PACS1: variants seen among roughly 807,000 people sequenced by gnomAD.
The protein encoded by PACS1 is phosphofurin acidic cluster sorting protein 1.
Under a neutral mutation model 115.0 loss-of-function variants are expected in PACS1, and 24 were observed. The ratio of observed to expected loss-of-function variants is 0.21; its 90% CI spans 0.15 to 0.29. The LOEUF is 0.29. Among genes scored for constraint, PACS1 ranks in the 10% least tolerant of loss-of-function variants. The pLI is 1.00. For synonymous variants in PACS1, 453 were observed against 504.5 expected (o/e 0.90, Z 1.37); for missense variants, 838 against 1,251.2 (o/e 0.67, Z 4.98).
chr11:66,126,039 C>A (rs78889941), intron 1 of PACS1, among the ~76,000 whole-genome samples: 9 of 126,960 alleles, frequency 7.1e-5, no homozygotes, highest in African/African-American at 2.0e-4. Flanking sequence ...GACTCTGCCT[C>A]AAAAAAAAAA....
At chr11:66,222,668 C>G (rs4595549) in intron 10 of PACS1, among the ~76,000 whole-genome samples, 152,267 of 152,344 alleles carry the variant, frequency 1, 76,095 homozygotes, top group Middle Eastern at 1. Context: ...ATGAAGCCTA[C>G]TCATGGTTCA....
rs1346484171 is a variant in PACS1 at position 66,233,887 on chromosome 11, C to T, written c.1941C>T (p.Ala647=). 1 of 1,599,666 alleles carries T rather than the reference C, an allele frequency of 6.3e-7. No homozygotes were observed. Among genetic ancestry groups the T allele is most frequent in the South Asian group, 1.1e-5 (1 of 89,030 alleles). ...SILRFFVKSL[A]NKTSDWLGYM... Reference sequence around the variant, plus strand: ...TCAGGTTCTTTGTCAAGTCCCTGGCCAACAAGACCTCCGACTGGCTTGGCT... The same window carrying T: ...TCAGGTTCTTTGTCAAGTCCCTGGCTAACAAGACCTCCGACTGGCTTGGCT... The change falls in exon 16 of 24, where the codon GCC becomes GCT. Residue 647 remains alanine (A), a synonymous_variant. Transcript: ENST00000320580. This position sits in a 1 kb window ranked among gnomAD's most constrained non-coding sequence, Gnocchi z 4.5.
intron 2 of PACS1, among the ~76,000 whole-genome samples, chr11:66,196,753 A>G (rs573908331): frequency 2.2e-4 from 34 of 152,136 alleles, no homozygotes; most frequent in African/African-American, 8.0e-4. Context: ...ACCCACCACC[A>G]TGCCTGGCTA....
intron 1 of PACS1, among the ~76,000 whole-genome samples, chr11:66,160,759 C>T (rs1309120476): frequency 2.7e-5 from 4 of 149,980 alleles, no homozygotes; most frequent in Non-Finnish European, 1.5e-5. Flanking sequence ...TAGGCTCAAG[C>T]GATCCTCCTG....
chr11:66,178,698 G>C (rs764855115), intron 1 of PACS1, among the ~76,000 whole-genome samples: 2 of 151,962 alleles, frequency 1.3e-5, no homozygotes, highest in Non-Finnish European at 2.9e-5. Flanking sequence ...CAGAAGTGTG[G>C]CATTATTTTA....
chr11:66,215,879 G>A (rs1034714018), intron 4 of PACS1, among the ~76,000 whole-genome samples: 3 of 149,656 alleles, frequency 2.0e-5, no homozygotes, highest in South Asian at 2.1e-4. Flanking sequence ...CAGCCTGGGC[G>A]ACAGTGAGAG....
chr11:66,152,331 T>A (rs1859259493), intron 1 of PACS1, among the ~76,000 whole-genome samples: 1 of 152,088 alleles, frequency 6.6e-6, no homozygotes, highest in Non-Finnish European at 1.5e-5. Context: ...TCCCATCCAA[T>A]GAAGAGAGGA....
At chr11:66,214,622 T>TC (rs1175046919) in intron 4 of PACS1, among the ~76,000 whole-genome samples, 2 of 141,532 alleles carry the variant, frequency 1.4e-5, no homozygotes, top group African/African-American at 2.6e-5. Flanking sequence ...TTTCTTTTCT[T>TC]TTTTTTTTTT....
At chr11:66,083,695 C>T (rs1857523056) in intron 1 of PACS1, among the ~76,000 whole-genome samples, 1 of 152,066 alleles carries the variant, frequency 6.6e-6, no homozygotes, top group Non-Finnish European at 1.5e-5. Flanking sequence ...CTTAAGAGAA[C>T]AGCTATAGAA....
intron 1 of PACS1, among the ~76,000 whole-genome samples, chr11:66,137,541 C>CTTGTTATGTGCT (rs1858875118): frequency 6.6e-6 from 1 of 152,146 alleles, no homozygotes; most frequent in African/African-American, 2.4e-5. Context: ...AAATGTAAAA[C>CTTGTTATGTGCT]TTGTTATGTG....
chr11:66,216,862 C>CTTATTTTTTTTTTTTTTTTTTTTTTTTTT, intron 7 of PACS1, 87 bp downstream of exon 7: 15 of 849,782 alleles, frequency 1.8e-5, no homozygotes, highest in East Asian at 8.2e-5. Flanking sequence ...CTAGTGGAGA[C>CTTATTTTTTTTTTTTTTTTTTTTTTTTTT]TTCTTAAAAT....
chr11:66,147,350 T>C (rs1345675484), intron 1 of PACS1, among the ~76,000 whole-genome samples: 1 of 152,050 alleles, frequency 6.6e-6, no homozygotes, highest in Non-Finnish European at 1.5e-5. Context: ...GAAAGAAGTT[T>C]TTTTGACTGA....
chr11:66,124,327 A>G (rs477001), intron 1 of PACS1, among the ~76,000 whole-genome samples: 150,234 of 152,312 alleles, frequency 0.99, 74,117 homozygotes, highest in Middle Eastern at 1. Flanking sequence ...TGTGGACATA[A>G]TGGCTTTGGG....
In PACS1 at chr11:66,243,971, TTCC is replaced by T. The variant is rs1287202608; in HGVS notation, c.*694_*696del. 1 of 152,080 alleles carries T rather than the reference TTCC, an allele frequency of 6.6e-6. No homozygotes were observed. The highest frequency in any genetic ancestry group is 1.5e-5 in the Non-Finnish European group (1 of 68,074). 9.4% of individuals were successfully genotyped at this position (152,080 alleles called of 1,614,324 possible). ...TCTCCCCCCACCACCCGTGCACGAC[TTCC>T]TCACCACCCCCAGGTTCCCTGCAGA... is the stretch of plus-strand genomic sequence containing the variant. On this transcript the variant is annotated 3_prime_UTR_variant, in exon 24 of 24. Transcript: ENST00000320580.
At position 66,155,694 on chromosome 11, in the gene PACS1, A is replaced by G. The variant is rs11227419; in HGVS notation, c.357-37792A>G. On this transcript the variant is annotated intron_variant, in intron 1 of 23. Transcript: ENST00000320580. ...GAACAGTAGTTTGTTTTAAAGTTAA[A>G]CAACAGTTACTCAAGGATACAGTAA... is the stretch of plus-strand genomic sequence containing the variant. Among the ~76,000 whole-genome samples, 875 of 152,296 alleles carry G rather than the reference A, an allele frequency of 5.7e-3. 1 individual carries two copies. The highest frequency in any genetic ancestry group is 7.7e-3 in the Non-Finnish European group (521 of 68,028).
chr11:66,091,501 T>C (rs1263860187), intron 1 of PACS1, among the ~76,000 whole-genome samples: 1 of 148,884 alleles, frequency 6.7e-6, no homozygotes, highest in Non-Finnish European at 1.5e-5. Context: ...GTTGTTGTTG[T>C]TGTTTTTTTT....
At chr11:66,118,982 T>G (rs1464017183) in intron 1 of PACS1, among the ~76,000 whole-genome samples, 3 of 152,108 alleles carry the variant, frequency 2.0e-5, no homozygotes, top group Non-Finnish European at 4.4e-5. Flanking sequence ...AGTGCTAAGA[T>G]AAAGGTAGGC....
intron 2 of PACS1, among the ~76,000 whole-genome samples, chr11:66,210,141 G>A (rs539704417): frequency 4.9e-4 from 74 of 151,626 alleles, no homozygotes; most frequent in African/African-American, 1.7e-3. Context: ...AGTGATCCTC[G>A]CACCTCAGCC....
chr11:66,156,025 G>C (rs1859345525), intron 1 of PACS1, among the ~76,000 whole-genome samples: 1 of 151,742 alleles, frequency 6.6e-6, no homozygotes, highest in South Asian at 2.1e-4. Flanking sequence ...ATAAAATAAA[G>C]GAGTGATTGC....
Sources: gnomAD v4.1 joint callset for allele counts (sites outside exome capture counted in the v4.1 genomes callset) on GRCh38, gnomAD v4.1.1 for gene constraint, Gnocchi (gnomAD v3.1) non-coding constraint, MANE v1.5 for transcripts, NCBI Gene and HGNC (gene_info 2026-07-23, HGNC 2026-07-21) for gene names.